The following KIAA1549L variants were observed in gnomAD, a reference collection of about 807,000 sequenced individuals.
The protein encoded by KIAA1549L is KIAA1549 like.
A neutral mutation model predicts 160.7 loss-of-function variants in KIAA1549L; 88 were observed. The ratio of observed to expected loss-of-function variants is 0.55; its 90% CI spans 0.46 to 0.65. The LOEUF (loss-of-function observed/expected upper bound fraction) is 0.65, where lower values mean the gene tolerates loss of function less well. Among genes scored for constraint, KIAA1549L ranks in the 30% least tolerant of loss-of-function variants. The pLI, the probability that KIAA1549L is intolerant of heterozygous loss-of-function variation, is 0.00. For synonymous variants in KIAA1549L, 950 were observed against 976.7 expected (o/e 0.97, Z 0.51); for missense variants, 2,258 against 2,437.5 (o/e 0.93, Z 1.55).
intron 1 of KIAA1549L, among the ~76,000 whole-genome samples, chr11:33,498,839 G>A (rs1391459737): frequency 6.6e-6 from 1 of 152,128 alleles, no homozygotes; most frequent in Non-Finnish European, 1.5e-5. Flanking sequence ...GCAGAGGGGC[G>A]AGGAAAAGGA....
At chr11:33,407,081 ATT>A (rs750670251) in intron 1 of KIAA1549L, among the ~76,000 whole-genome samples, 17 of 100,122 alleles carry the variant, frequency 1.7e-4, no homozygotes, top group African/African-American at 5.6e-4. Flanking sequence ...TTCTTTTTTC[ATT>A]TTTTTTTTTT....
In KIAA1549L at chr11:33,645,795, C is replaced by G. The variant is rs757677739; in HGVS notation, c.5519C>G (p.Ser1840Cys). Residue 1840 changes from serine (S) to cysteine (C), a missense_variant, in exon 17 of 21, where the codon TCC becomes TGC. Transcript: ENST00000658780. ...KGHSETSTLS[S>C]QPSIDEVRQQ... The stretch of plus-strand genomic sequence containing the variant: ...CACTCGGAGACCTCCACACTGAGCT[C>G]CCAGCCATCCATCGACGAGGTCAGG... 1.9e-6 allele frequency: 3 copies of G among 1,613,968 alleles called. No homozygotes were observed. The East Asian group carries it at 6.7e-5, about 36-fold the overall frequency.
Position 33,557,876 on chromosome 11 carries a change from G to A in KIAA1549L, c.3856-1873G>A, listed in dbSNP as rs185185148. Among the ~76,000 whole-genome samples the A allele has an allele frequency of 1.2e-3, 178 of 152,202 alleles. 1 individual carries two copies. Among genetic ancestry groups the A allele is most frequent in the African/African-American group, 4.1e-3 (171 of 41,522 alleles). ...CACTTCAGTCTGCGGGACAGAGTGA[G>A]ACCCTGTCTCTAAATAGGAAGGGGC... is the stretch of plus-strand genomic sequence containing the variant. On this transcript the variant is annotated intron_variant, in intron 6 of 20. Coordinates refer to ENST00000658780, the MANE Select transcript of KIAA1549L (RefSeq NM_012194.3).
chr11:33,545,031 C>T lies in KIAA1549L; in HGVS notation c.3038C>T (p.Ala1013Val), dbSNP rs1854192099. ...AFPFTPTYMYARTGHTTSTHT... is the reference protein window; with the variant it reads ...AFPFTPTYMYVRTGHTTSTHT... ...CCATTCACACCAACCTACATGTATG[C>T]AAGAACAGGACATACCACGAGCACA... The change falls in exon 3 of 21, where the codon GCA (alanine) becomes GTA (valine). Residue 1013 changes from alanine (A) to valine (V), a missense_variant. Physicochemically the swap from Ala to Val is moderately conservative, Grantham distance 64. This residue lies in a region of KIAA1549L where 1,359 missense variants were observed against 1,546.6 expected (regional missense o/e 0.88). Transcript: ENST00000658780. The T allele has an allele frequency of 6.2e-7, 1 of 1,614,044 alleles. No homozygotes were observed. Among genetic ancestry groups the T allele is most frequent in the Non-Finnish European group, 8.5e-7 (1 of 1,179,882 alleles).
chr11:33,667,577 G>T (rs1288370858), intron 20 of KIAA1549L, among the ~76,000 whole-genome samples: 1 of 152,010 alleles, frequency 6.6e-6, no homozygotes, highest in African/African-American at 2.4e-5. Flanking sequence ...TGTATTTTTA[G>T]TAGAGAAGGG....
chr11:33,432,070 A>T (rs1174342390), intron 1 of KIAA1549L, among the ~76,000 whole-genome samples: 1 of 152,182 alleles, frequency 6.6e-6, no homozygotes, highest in Non-Finnish European at 1.5e-5. Context: ...GCCCACCCGG[A>T]ACTCCAGCTG....
At chr11:33,447,306 T>A (rs146227684) in intron 1 of KIAA1549L, among the ~76,000 whole-genome samples, 1 of 152,280 alleles carries the variant, frequency 6.6e-6, no homozygotes, top group East Asian at 1.9e-4. Flanking sequence ...AAGATGATGA[T>A]GTGAGTAATG....
At chr11:33,555,069 A>G (rs1414427015) in intron 6 of KIAA1549L, among the ~76,000 whole-genome samples, 1 of 142,510 alleles carries the variant, frequency 7.0e-6, no homozygotes, top group East Asian at 2.0e-4. Context: ...TTTTGGAGCT[A>G]GTCTTAAGTA....
At chr11:33,654,658 A>G (rs1852002401) in intron 17 of KIAA1549L, among the ~76,000 whole-genome samples, 1 of 152,152 alleles carries the variant, frequency 6.6e-6, no homozygotes, top group Non-Finnish European at 1.5e-5. Context: ...TCAACTGTCA[A>G]TATGGCGTTT....
chr11:33,624,301 G>T (rs1851037177), intron 16 of KIAA1549L, among the ~76,000 whole-genome samples: 1 of 152,200 alleles, frequency 6.6e-6, no homozygotes, highest in African/African-American at 2.4e-5. Flanking sequence ...CTGACAGCTG[G>T]CAGTGTGCCC....
chr11:33,628,475 TG>T (rs1851181984), intron 16 of KIAA1549L, among the ~76,000 whole-genome samples: 1 of 151,036 alleles, frequency 6.6e-6, no homozygotes, highest in South Asian at 2.1e-4. Flanking sequence ...GCTCCTGTAT[TG>T]GGCGCATATA....
chr11:33,556,430 G>A (rs1184823362), intron 6 of KIAA1549L, among the ~76,000 whole-genome samples: 1 of 151,932 alleles, frequency 6.6e-6, no homozygotes, highest in Non-Finnish European at 1.5e-5. Flanking sequence ...ATGAATGAGT[G>A]GATAATCAAA....
At chr11:33,657,937 C>T (rs549204184) in intron 18 of KIAA1549L, among the ~76,000 whole-genome samples, 1 of 152,350 alleles carries the variant, frequency 6.6e-6, no homozygotes, top group East Asian at 1.9e-4. Flanking sequence ...GGGGGCCAGG[C>T]CTGCTGCAGC....
At chr11:33,475,518 G>A (rs899791490) in intron 1 of KIAA1549L, among the ~76,000 whole-genome samples, 6 of 151,196 alleles carry the variant, frequency 4.0e-5, no homozygotes, top group African/African-American at 1.5e-4. Flanking sequence ...AATCATGCCA[G>A]TGTACTCCAG....
intron 1 of KIAA1549L, among the ~76,000 whole-genome samples, chr11:33,502,450 GTTCTCAGGCACAC>G (rs1852974361): frequency 6.6e-6 from 1 of 152,196 alleles, no homozygotes; most frequent in African/African-American, 2.4e-5. Context: ...TCCCTAATCT[GTTCTCAGGCACAC>G]TTGCTTTGCG....
At chr11:33,532,640 C>T (rs894248077) in intron 1 of KIAA1549L, among the ~76,000 whole-genome samples, 2 of 152,184 alleles carry the variant, frequency 1.3e-5, no homozygotes, top group East Asian at 1.9e-4. Context: ...AGGGCCTGAT[C>T]AAAAGCTGCA....
chr11:33,468,933 A>C (rs750419406), intron 1 of KIAA1549L, among the ~76,000 whole-genome samples: 1 of 152,212 alleles, frequency 6.6e-6, no homozygotes, highest in Non-Finnish European at 1.5e-5. Context: ...AAATGTTGAA[A>C]GAGGGTACAA....
chr11:33,401,825 A>G (rs1378102870), intron 1 of KIAA1549L, among the ~76,000 whole-genome samples: 2 of 152,156 alleles, frequency 1.3e-5, no homozygotes, highest in African/African-American at 4.8e-5. Flanking sequence ...AAGTTCTGGG[A>G]CTAGAGCAGG....
At chr11:33,553,420 A>G (rs774292093) in intron 6 of KIAA1549L, among the ~76,000 whole-genome samples, 1 of 151,980 alleles carries the variant, frequency 6.6e-6, no homozygotes, top group African/African-American at 2.4e-5. Context: ...TGTTTTGACT[A>G]CTGAACTATA....
Sources: gnomAD v4.1 joint callset for allele counts (sites outside exome capture counted in the v4.1 genomes callset) on GRCh38, gnomAD v4.1.1 for gene constraint, gnomAD v4.1.1 regional missense constraint, MANE v1.5 for transcripts, NCBI Gene and HGNC (gene_info 2026-07-23, HGNC 2026-07-21) for gene names.